Variants in NRDC observed in about 807,000 individuals in gnomAD.
NRDC encodes the protein nardilysin.
In NRDC, 54 loss-of-function variants were observed where a neutral mutation model predicts 147.1. The observed-to-expected ratio is 0.37, with a 90% CI of 0.29 to 0.46. The LOEUF is 0.46. Ranked by LOEUF, NRDC falls within the 20% of genes least tolerant of loss-of-function variation. NRDC has a pLI of 1.00. For missense variants in NRDC, 1,082 were observed against 1,370.6 expected (o/e 0.79, Z 3.33); for synonymous variants, 440 against 482.1 (o/e 0.91, Z 1.14).
At chr1:51,873,093 T>C (rs577534477) in intron 1 of NRDC, among the ~76,000 whole-genome samples, 16 of 152,316 alleles carry the variant, frequency 1.1e-4, no homozygotes, top group South Asian at 6.2e-4. Flanking sequence ...GGCTCATGTA[T>C]TGAATGAAGC....
intron 11 of NRDC, among the ~76,000 whole-genome samples, chr1:51,815,382 A>G (rs566866126): frequency 1.3e-5 from 2 of 151,938 alleles, no homozygotes; most frequent in African/African-American, 2.4e-5. Context: ...ACATACTTAC[A>G]TTGAATGTCA....
At chr1:51,814,481 C>G in intron 13 of NRDC, 70 bp downstream of exon 13, 1 of 1,461,818 alleles carries the variant, frequency 6.8e-7, no homozygotes, top group South Asian at 1.2e-5. Context: ...TAAAGCATGT[C>G]TACCGGCAGC....
rs528761936 is a variant in NRDC, at chr1:51,860,951, C to CTTT, written c.341+17321_341+17323dup. 2.4e-4 allele frequency among the ~76,000 whole-genome samples: 34 copies of CTTT among 139,476 alleles called. 1 individual carries two copies. Among genetic ancestry groups the CTTT allele is most frequent in the African/African-American group, 8.4e-4 (32 of 38,180 alleles). 91.5% of individuals were successfully genotyped at this position (139,476 alleles called of 152,430 possible). ...AAAGATGTTCCAAGTGGTATTACTT[C>CTTT]TTTTTTTTTTTTTTTTGAGACAGAG... is the stretch of plus-strand genomic sequence containing the variant. On this transcript the variant is annotated intron_variant, in intron 1 of 30. Coordinates refer to ENST00000352171, the MANE Select transcript of NRDC (RefSeq NM_001101662.2).
chr1:51,878,246 G>C (rs1204631665), intron 1 of NRDC, 29 bp downstream of exon 1: 2 of 1,585,072 alleles, frequency 1.3e-6, no homozygotes, highest in South Asian at 2.3e-5. Flanking sequence ...CACACTGTTC[G>C]CCTCCCCATT....
chr1:51,855,117 T>C (rs1224052872), intron 1 of NRDC, among the ~76,000 whole-genome samples: 1 of 152,212 alleles, frequency 6.6e-6, no homozygotes, highest in Non-Finnish European at 1.5e-5. Context: ...CTTCAAGATA[T>C]CCCAACCTTT....
intron 2 of NRDC, chr1:51,837,598 A>T (rs777027045): frequency 1.3e-6 from 2 of 1,552,432 alleles, no homozygotes; most frequent in African/African-American, 2.7e-5. Context: ...CTTTGACCAC[A>T]GCAAAAACAG....
intron 17 of NRDC, among the ~76,000 whole-genome samples, chr1:51,807,499 G>T (rs904005637): frequency 2.0e-5 from 3 of 152,126 alleles, no homozygotes; most frequent in Non-Finnish European, 4.4e-5. Context: ...TTGAAGCCAG[G>T]AGTTTGAGAC....
intron 1 of NRDC, among the ~76,000 whole-genome samples, chr1:51,845,779 G>C (rs781349188): frequency 6.6e-6 from 1 of 152,102 alleles, no homozygotes; most frequent in Non-Finnish European, 1.5e-5. Flanking sequence ...TCTGAGGACA[G>C]AGCTTTTCTT....
chr1:51,830,427 G>GA (rs902273000), intron 4 of NRDC, among the ~76,000 whole-genome samples: 5 of 152,048 alleles, frequency 3.3e-5, no homozygotes, highest in Non-Finnish European at 4.4e-5. Flanking sequence ...TATTTTACTT[G>GA]AAAAAATATT....
At chr1:51,790,315 A>G (rs1383188833) in intron 29 of NRDC, among the ~76,000 whole-genome samples, 1 of 152,226 alleles carries the variant, frequency 6.6e-6, no homozygotes, top group East Asian at 1.9e-4. Context: ...TCTGATTGAA[A>G]TTGGTGGTGG....
intron 1 of NRDC, among the ~76,000 whole-genome samples, chr1:51,850,176 CA>C (rs1169739958): frequency 1.4e-5 from 2 of 147,466 alleles, no homozygotes; most frequent in African/African-American, 2.5e-5. Context: ...GACTCTATCT[CA>C]AAAAAAAATA....
intron 1 of NRDC, among the ~76,000 whole-genome samples, chr1:51,866,066 AG>A (rs1405700254): frequency 6.6e-6 from 1 of 151,948 alleles, no homozygotes; most frequent in Non-Finnish European, 1.5e-5. Flanking sequence ...AAAAAAAAAA[AG>A]AAAAATTTCT....
At chr1:51,810,504 T>G in intron 15 of NRDC, 100 bp from the exon 16 acceptor site, 1 of 1,025,964 alleles carries the variant, frequency 9.7e-7, no homozygotes, top group Non-Finnish European at 1.4e-6. Flanking sequence ...CTCCAAGATC[T>G]ATGCTCATAA....
At chr1:51,809,240 G>T in intron 17 of NRDC, 75 bp downstream of exon 17, 1 of 908,212 alleles carries the variant, frequency 1.1e-6, no homozygotes, top group Non-Finnish European at 1.8e-6. Flanking sequence ...ACGATACTTT[G>T]TAAAATATAA....
intron 4 of NRDC, among the ~76,000 whole-genome samples, chr1:51,833,169 T>C (rs1282435815): frequency 6.6e-6 from 1 of 152,118 alleles, no homozygotes; most frequent in Non-Finnish European, 1.5e-5. Flanking sequence ...CTAAATTCTG[T>C]TTTTTAAGTG....
At chr1:51,860,348 T>C (rs532931325) in intron 1 of NRDC, among the ~76,000 whole-genome samples, 108 of 152,344 alleles carry the variant, frequency 7.1e-4, no homozygotes, top group African/African-American at 2.5e-3. Context: ...TTCAAAAATA[T>C]AGGATAGTTG....
intron 26 of NRDC, 67 bp downstream of exon 26, chr1:51,791,979 G>A: frequency 6.6e-7 from 1 of 1,514,974 alleles, no homozygotes; most frequent in Non-Finnish European, 9.2e-7. Context: ...AGGGATATCT[G>A]ATGAACAGCC....
chr1:51,871,601 G>A (rs1337230648), intron 1 of NRDC, among the ~76,000 whole-genome samples: 1 of 141,226 alleles, frequency 7.1e-6, no homozygotes, highest in Non-Finnish European at 1.5e-5. Context: ...TTTATAGGTT[G>A]CTCTTCTTCT....
chr1:51,849,676 C>T (rs916404599), intron 1 of NRDC, among the ~76,000 whole-genome samples: 9 of 150,536 alleles, frequency 6.0e-5, no homozygotes, highest in South Asian at 2.1e-4. Flanking sequence ...ATTAGCCGGG[C>T]ATGGTGGCTG....
Sources: gnomAD v4.1 joint callset for allele counts (sites outside exome capture counted in the v4.1 genomes callset) on GRCh38, gnomAD v4.1.1 for gene constraint, MANE v1.5 for transcripts, NCBI Gene and HGNC (gene_info 2026-07-23, HGNC 2026-07-21) for gene names.